The following IGDCC4 variants were observed in gnomAD, a reference collection of about 807,000 sequenced individuals.
The protein encoded by IGDCC4 is immunoglobulin superfamily DCC subclass member 4, also known as likely ortholog of mouse neighbor of Punc E11.
IGDCC4 carries 72 observed loss-of-function variants against 116.6 expected under a neutral mutation model. The ratio of observed to expected loss-of-function variants is 0.62; its 90% CI spans 0.51 to 0.75. IGDCC4 has a LOEUF of 0.75. IGDCC4 is among the 30% of genes least tolerant of loss of function. The pLI is 0.00. For synonymous variants in IGDCC4, 709 were observed against 719.9 expected (o/e 0.98, Z 0.24); for missense variants, 1,501 against 1,662.4 (o/e 0.90, Z 1.69).
intron 18 of IGDCC4, chr15:65,385,570 G>T: frequency 1.7e-6 from 1 of 592,814 alleles, no homozygotes; most frequent in South Asian, 2.0e-5. Flanking sequence ...TGAGGAGGGA[G>T]CTGGGTGTTC....
chr15:65,389,092 C>A lies in IGDCC4; in HGVS notation c.2537-114G>T, dbSNP rs1274932401. 33 of 1,086,252 alleles carry A rather than the reference C, an allele frequency of 3.0e-5. No individual in the cohort carries two copies. In the East Asian group the frequency reaches 8.5e-4, roughly 28 times the overall value. The allele number at this position is 1,086,252 out of a possible 1,614,324, so 67.3% of individuals were successfully genotyped here. On this transcript the variant is annotated intron_variant, in intron 14 of 19. Coordinates refer to ENST00000352385, the MANE Select transcript of IGDCC4 (RefSeq NM_020962.3). The stretch of plus-strand genomic sequence containing the variant: ...ACAAGCCACAAAGCAAAGATGAGGT[C>A]TGGTTTCTAGTTGGGGAATTCTAGA...
chr15:65,391,754 G>A (rs866365669), intron 12 of IGDCC4, 126 bp downstream of exon 12: 9 of 772,260 alleles, frequency 1.2e-5, no homozygotes, highest in Non-Finnish European at 1.9e-5. Flanking sequence ...TAGGAGAATG[G>A]GTTTGGGCAT....
At chr15:65,408,639 T>C (rs776773112) in intron 3 of IGDCC4, among the ~76,000 whole-genome samples, 12 of 152,210 alleles carry the variant, frequency 7.9e-5, no homozygotes, top group Middle Eastern at 3.2e-3. Flanking sequence ...TATTTGATCA[T>C]AGAATACTTC....
rs2091434320 is a variant in IGDCC4, at chr15:65,384,502, G to A, written c.3343-83C>T. Reference sequence around the variant, plus strand: ...ATGACCAGCGTACGTGGGGCAGAAAGTCTGACCCTCCATCAGAGTAAGTAT... The same window carrying A: ...ATGACCAGCGTACGTGGGGCAGAAAATCTGACCCTCCATCAGAGTAAGTAT... On this transcript the variant is annotated intron_variant, in intron 19 of 19. Transcript: ENST00000352385. This position sits in a 1 kb window ranked among gnomAD's most constrained non-coding sequence, Gnocchi z 4.9. The A allele has an allele frequency of 7.5e-7, 1 of 1,326,534 alleles. No homozygotes were observed. The highest frequency in any genetic ancestry group is 1.0e-6 in the Non-Finnish European group (1 of 988,962). 82.2% of individuals were successfully genotyped at this position (1,326,534 alleles called of 1,614,324 possible).
chr15:65,384,933 C>T lies in IGDCC4; in HGVS notation c.3342+21G>A, dbSNP rs1386531418. The T allele has an allele frequency of 1.9e-6, 3 of 1,605,524 alleles. No homozygotes were observed. The highest frequency in any genetic ancestry group is 1.1e-5 in the South Asian group (1 of 90,266). On this transcript the variant is annotated intron_variant, in intron 19 of 19. Coordinates refer to ENST00000352385, the MANE Select transcript of IGDCC4 (RefSeq NM_020962.3). This position sits in a 1 kb window ranked among gnomAD's most constrained non-coding sequence, Gnocchi z 4.9. ...AGAGACCCTTTCCTCCTTTCCTGCCCCTTCCTTCCAGGACGCTGACCTTTA... is the reference window on the plus strand; with the variant it reads ...AGAGACCCTTTCCTCCTTTCCTGCCTCTTCCTTCCAGGACGCTGACCTTTA...
Position 65,393,230 on chromosome 15 carries a change from A to C in IGDCC4, c.1885+131T>G. The C allele has an allele frequency of 2.0e-6, 2 of 980,864 alleles. No individual in the cohort carries two copies. Among genetic ancestry groups the C allele is most frequent in the Non-Finnish European group, 2.8e-6 (2 of 704,428 alleles). The allele number at this position is 980,864 out of a possible 1,614,324, so 60.8% of individuals were successfully genotyped here. On this transcript the variant is annotated intron_variant, in intron 10 of 19. Coordinates refer to ENST00000352385, the MANE Select transcript of IGDCC4 (RefSeq NM_020962.3). This position sits in a 1 kb window ranked among gnomAD's most constrained non-coding sequence, Gnocchi z 4.6. ...CTCTGCACCTAAGCCTCACTCACCC[A>C]TCAAGCGGAGGGAGCCATGGAAGGT...
At chr15:65,416,286 C>T (rs1044540971) in intron 1 of IGDCC4, among the ~76,000 whole-genome samples, 12 of 151,682 alleles carry the variant, frequency 7.9e-5, no homozygotes, top group Non-Finnish European at 1.2e-4. Flanking sequence ...TGCAGGCGCC[C>T]GCCACCATAC....
chr15:65,387,112 A>G (rs1366631954), intron 16 of IGDCC4, among the ~76,000 whole-genome samples: 1 of 145,504 alleles, frequency 6.9e-6, no homozygotes, highest in Non-Finnish European at 1.5e-5. Context: ...CTGTAGCATC[A>G]ACCTCCTGGG....
In IGDCC4 at chr15:65,396,820, T is replaced by G. The variant is rs192204298; in HGVS notation, c.997+14A>C. 6.4e-7 allele frequency: 1 copy of G among 1,556,918 alleles called. No homozygotes were observed. Among genetic ancestry groups the G allele is most frequent in the Admixed American group, 1.9e-5 (1 of 51,946 alleles). ...CCAGCTAACCCGCTCCCTCCGCCCTTCGGCCCGCCTCACCCAGCACACGGA... is the reference window on the plus strand; with the variant it reads ...CCAGCTAACCCGCTCCCTCCGCCCTGCGGCCCGCCTCACCCAGCACACGGA... On this transcript the variant is annotated intron_variant, in intron 6 of 19. Transcript: ENST00000352385.
Position 65,422,856 on chromosome 15 carries a change from G to A in IGDCC4, c.7C>T (p.Arg3Trp). MA[R>W]GDAGRGRGLL... ...CCGCGGCCGCGGCCGGCGTCCCCCCGCGCCATGGGGCTGGGCTCGGGCCGC... is the reference window on the plus strand; with the variant it reads ...CCGCGGCCGCGGCCGGCGTCCCCCCACGCCATGGGGCTGGGCTCGGGCCGC... The change falls in exon 1 of 20, where the codon CGG (arginine) becomes TGG (tryptophan). Residue 3 changes from arginine (R) to tryptophan (W), a missense_variant. Around this residue, in one of 3 missense-constraint regions of IGDCC4, gnomAD observed 898 missense variants for 978.9 expected, o/e 0.92. Coordinates refer to ENST00000352385, the MANE Select transcript of IGDCC4 (RefSeq NM_020962.3). 2 of 1,182,660 alleles carry A rather than the reference G, an allele frequency of 1.7e-6. No homozygotes were observed. Among genetic ancestry groups the A allele is most frequent in the Admixed American group, 4.7e-5 (1 of 21,170 alleles). 73.3% of individuals were successfully genotyped at this position (1,182,660 alleles called of 1,614,324 possible).
intron 3 of IGDCC4, among the ~76,000 whole-genome samples, chr15:65,406,733 T>G (rs1174666860): frequency 1.3e-5 from 2 of 152,196 alleles, no homozygotes; most frequent in African/African-American, 2.4e-5. Context: ...TGCCGGGACA[T>G]GCGAGCCTAG....
Position 65,396,920 on chromosome 15 carries a change from G to T in IGDCC4, c.911C>A (p.Pro304His), listed in dbSNP as rs771507446. Residue 304 changes from proline (P) to histidine (H), a missense_variant, in exon 6 of 20, where the codon CCC becomes CAC. Transcript: ENST00000352385. ...RTNLLIANAQ[P>H]WHSGVYVCRA... ...GCAGACATAGACGCCGGAGTGCCAG[G>T]GCTGCGCGTTGGCAATTAGTAGGTT... The T allele has an allele frequency of 6.4e-7, 1 of 1,574,430 alleles. No individual in the cohort carries two copies. The highest frequency in any genetic ancestry group is 2.3e-5 in the East Asian group (1 of 42,996).
rs770851730 is a variant in IGDCC4, at chr15:65,393,415, C to A, written c.1831G>T (p.Ala611Ser). 4 of 1,613,604 alleles carry A rather than the reference C, an allele frequency of 2.5e-6. No individual in the cohort carries two copies. In the East Asian group the frequency reaches 8.9e-5, roughly 36 times the overall value. The change falls in exon 10 of 20, where the codon GCC becomes TCC. Residue 611 changes from alanine (A) to serine (S), a missense_variant. Coordinates refer to ENST00000352385, the MANE Select transcript of IGDCC4 (RefSeq NM_020962.3). The surrounding 1 kb of genome is among the most constrained non-coding windows in gnomAD (Gnocchi z 4.6). ...CTGTGATGCATCCACTGGGAGGGGG[C>A]CCCGAAGCCGGCTGCTGTACCAGCC... is the stretch of plus-strand genomic sequence containing the variant. ...ISAGTAAGFG[A>S]PSQWMHHRTP...
intron 9 of IGDCC4, 38 bp downstream of exon 9, chr15:65,394,373 T>C: frequency 6.2e-7 from 1 of 1,610,606 alleles, no homozygotes. Flanking sequence ...ACGTTGATCA[T>C]TCCCATACAT....
intron 4 of IGDCC4, among the ~76,000 whole-genome samples, chr15:65,401,252 G>A (rs1007429045): frequency 5.3e-5 from 8 of 152,192 alleles, no homozygotes; most frequent in Non-Finnish European, 1.2e-4. Flanking sequence ...GGACTGTCAG[G>A]GTCATGGGCA....
chr15:65,410,613 C>G, intron 2 of IGDCC4: 1 of 495,716 alleles, frequency 2.0e-6, no homozygotes, highest in Non-Finnish European at 3.7e-6. Context: ...TGATCTGTGC[C>G]TCCTGAGAGC....
In IGDCC4 at chr15:65,390,354, T is replaced by C. The variant is rs1190302778; in HGVS notation, c.2225-16A>G. The C allele has an allele frequency of 6.4e-7, 1 of 1,568,114 alleles. No individual in the cohort carries two copies. ...ATAGGCATGTCTGAAAGGTGAAAACTAGAGTGTGAGGAAGGGAGGGAGGAT... is the reference window on the plus strand; with the variant it reads ...ATAGGCATGTCTGAAAGGTGAAAACCAGAGTGTGAGGAAGGGAGGGAGGAT... On this transcript the variant is annotated splice_polypyrimidine_tract_variant and intron_variant, in intron 12 of 19. Transcript: ENST00000352385.
intron 2 of IGDCC4, 107 bp from the exon 3 acceptor site, chr15:65,410,426 T>A: frequency 7.3e-7 from 1 of 1,363,110 alleles, no homozygotes; most frequent in East Asian, 2.4e-5. Context: ...AAACACACAG[T>A]CACAGAAACA....
chr15:65,410,942 TA>T, intron 2 of IGDCC4, 77 bp downstream of exon 2: 1 of 1,170,080 alleles, frequency 8.5e-7, no homozygotes. Context: ...TTTGTGCAAG[TA>T]ACTAACTGCA....
Sources: allele counts gnomAD v4.1 joint callset (sites outside exome capture counted in the v4.1 genomes callset), GRCh38; gene constraint gnomAD v4.1.1; regional missense constraint gnomAD v4.1.1; non-coding constraint Gnocchi (gnomAD v3.1); transcripts MANE v1.5; gene names NCBI Gene and HGNC (gene_info 2026-07-23, HGNC 2026-07-21).